The following COL28A1 variants were observed in gnomAD, a reference collection of about 807,000 sequenced individuals.
The protein encoded by COL28A1 is collagen alpha-1(XXVIII) chain.
COL28A1 carries 161 observed loss-of-function variants against 150.2 expected under a neutral mutation model. The observed-to-expected ratio is 1.07, with a 90% confidence interval of 0.94 to 1.22. COL28A1 has a LOEUF of 1.22. Ranked by LOEUF, COL28A1 falls within the 50% of genes most tolerant of loss-of-function variation. The pLI, the probability that COL28A1 is intolerant of heterozygous loss-of-function variation, is 0.00. For missense variants in COL28A1, 1,617 were observed against 1,388.3 expected, an observed-to-expected ratio of 1.16 and a Z score of -2.62; for synonymous variants, 552 against 469.7, an observed-to-expected ratio of 1.18 and a Z score of -2.26.
chr7:7,472,872 A>G (rs1788549954), intron 15 of COL28A1, among the ~76,000 whole-genome samples: 1 of 152,186 alleles, frequency 6.6e-6, no homozygotes. Context: ...AAACCATCAT[A>G]CTTACAGCCA....
intron 23 of COL28A1, 99 bp downstream of exon 23, chr7:7,436,296 A>G (rs1309771660): frequency 1.3e-6 from 1 of 781,412 alleles, no homozygotes; most frequent in Non-Finnish European, 2.3e-6. Flanking sequence ...TAGTTAATCA[A>G]TGTAGAAACC....
At chr7:7,425,279 T>A (rs1426943189) in intron 25 of COL28A1, among the ~76,000 whole-genome samples, 1 of 152,180 alleles carries the variant, frequency 6.6e-6, no homozygotes, top group African/African-American at 2.4e-5. Flanking sequence ...TCTCCCATTT[T>A]GATGTGGACT....
chr7:7,464,223 A>T (rs1787866210), intron 15 of COL28A1, among the ~76,000 whole-genome samples: 1 of 152,224 alleles, frequency 6.6e-6, no homozygotes, highest in Admixed American at 6.5e-5. Context: ...GGGGCACTTC[A>T]ATACTGCACT....
At chr7:7,533,542 G>C (rs1269458489) in intron 1 of COL28A1, among the ~76,000 whole-genome samples, 1 of 152,100 alleles carries the variant, frequency 6.6e-6, no homozygotes, top group African/African-American at 2.4e-5. Context: ...TGAATCAAAA[G>C]AGTATGAGAG....
intron 27 of COL28A1, among the ~76,000 whole-genome samples, chr7:7,412,861 C>T (rs1453946733): frequency 2.0e-5 from 3 of 151,992 alleles, no homozygotes; most frequent in Non-Finnish European, 4.4e-5. Context: ...GATTAGTAAG[C>T]TGAGATTCAA....
At chr7:7,346,795 TATTC>T in the COL28A1 span, among the ~76,000 whole-genome samples, 1 of 152,042 alleles carries the variant, frequency 6.6e-6, no homozygotes, top group Non-Finnish European at 1.5e-5. Flanking sequence ...TTAAGAAAGA[TATTC>T]ATTAATTTGA....
intron 3 of COL28A1, among the ~76,000 whole-genome samples, chr7:7,528,122 T>A (rs1209107611): frequency 6.6e-6 from 1 of 152,212 alleles, no homozygotes; most frequent in Non-Finnish European, 1.5e-5. Context: ...CTTAAATTTA[T>A]GTTTTTTAAA....
intron 2 of COL28A1, 135 bp from the exon 3 acceptor site, chr7:7,532,039 T>C (rs1782395690): frequency 2.4e-5 from 14 of 572,314 alleles, no homozygotes; most frequent in Non-Finnish European, 4.1e-5. Context: ...GAGAGACACG[T>C]TGGACAGAAG....
At position 7,444,128 on chromosome 7, in the gene COL28A1, A is replaced by T. The variant is rs542105086; in HGVS notation, c.1581+290T>A. Among the ~76,000 whole-genome samples the T allele has an allele frequency of 2.7e-5, 4 of 150,542 alleles. No homozygotes were observed. In the South Asian group the frequency reaches 8.4e-4, roughly 32 times the overall value. On this transcript the variant is annotated intron_variant, in intron 19 of 34. Transcript: ENST00000399429. ...TTGCCTCTTAGGGGGAGGCGGGGGG[A>T]GTGGCTTTCTCTTAAGTTTAAATTA...
In COL28A1 at chr7:7,419,902, C is replaced by G; in HGVS notation, c.2050G>C (p.Gly684Arg). The G allele has an allele frequency of 6.2e-7, 1 of 1,600,592 alleles. No individual in the cohort carries two copies. The highest frequency in any genetic ancestry group is 8.5e-7 in the Non-Finnish European group (1 of 1,174,004). Residue 684 changes from glycine (G) to arginine (R), a missense_variant, in exon 26 of 35, where the codon GGA (glycine) becomes CGA (arginine). Coordinates refer to ENST00000399429, the MANE Select transcript of COL28A1 (RefSeq NM_001037763.3). ...GGACTCACCTTTGGCCCTTGGGTTC[C>G]TACGCCCCGAGGCCCAGAAGGACCT... ...PPGPSGPRGV[G>R]TQGPKGDTGQ...
chr7:7,489,275 T>A lies in COL28A1; in HGVS notation c.1164+114A>T, dbSNP rs1779788256. 3.0e-5 allele frequency: 21 copies of A among 689,180 alleles called. 1 individual carries two copies. The South Asian group carries it at 3.4e-4, about 11-fold the overall frequency. The allele number at this position is 689,180 out of a possible 1,614,324, so 42.7% of individuals were successfully genotyped here. On this transcript the variant is annotated intron_variant, in intron 13 of 34. Coordinates refer to ENST00000399429, the MANE Select transcript of COL28A1 (RefSeq NM_001037763.3). ...ACAGTGAGATTCCGTCTCAAAAAAA[T>A]AAATAAATAAAATAGATACAAGGTG...
At chr7:7,506,308 A>G (rs555313632) in intron 10 of COL28A1, among the ~76,000 whole-genome samples, 7 of 152,256 alleles carry the variant, frequency 4.6e-5, no homozygotes, top group Non-Finnish European at 1.0e-4. Flanking sequence ...TTTGTTTACT[A>G]AACCTGTGTT....
At chr7:7,488,065 A>T (rs1346348109) in intron 13 of COL28A1, among the ~76,000 whole-genome samples, 7 of 152,244 alleles carry the variant, frequency 4.6e-5, no homozygotes, top group East Asian at 1.9e-4. Flanking sequence ...ACTTCAAGTT[A>T]TAAAGAACTC....
chr7:7,390,351 C>T (rs1056813863), intron 27 of COL28A1, among the ~76,000 whole-genome samples: 43 of 152,110 alleles, frequency 2.8e-4, no homozygotes, highest in African/African-American at 1.0e-3. Context: ...CCAACTTGAT[C>T]GTGGTGGTTA....
Position 7,373,526 on chromosome 7 carries a change from C to T in COL28A1, c.2380G>A (p.Glu794Lys). 8 of 1,610,734 alleles carry T rather than the reference C, an allele frequency of 5.0e-6. No individual in the cohort carries two copies. Among genetic ancestry groups the T allele is most frequent in the Non-Finnish European group, 5.9e-6 (7 of 1,178,200 alleles). Reference sequence around the variant, plus strand: ...ACAAACACCAGCTCTAGTGGAGTCTCTTTGCATTTGGGCCCACAACCTAAA... The same window carrying T: ...ACAAACACCAGCTCTAGTGGAGTCTTTTTGCATTTGGGCCCACAACCTAAA... ...EICGCGPKCK[E>K]TPLELVFVID... is the part of the protein sequence containing the mutation. The change falls in exon 32 of 35, where the codon GAG becomes AAG. Residue 794 changes from glutamate (E) to lysine (K), a missense_variant. By Grantham distance (56) the Glu-to-Lys change is moderately conservative. Transcript: ENST00000399429. This position sits in a 1 kb window ranked among gnomAD's most constrained non-coding sequence, Gnocchi z 4.1.
chr7:7,355,488 T>C (rs905516419), downstream of COL28A1, among the ~76,000 whole-genome samples: 2 of 152,048 alleles, frequency 1.3e-5, no homozygotes, highest in African/African-American at 4.8e-5. Flanking sequence ...CAGGCGGCTG[T>C]AGTCCTAGCT....
intron 3 of COL28A1, among the ~76,000 whole-genome samples, chr7:7,529,699 C>A (rs1287874884): frequency 3.3e-5 from 5 of 152,210 alleles, no homozygotes; most frequent in Admixed American, 2.6e-4. Context: ...GCCTGTCCCG[C>A]ATCTTCTATG....
At chr7:7,467,943 G>A (rs926068200) in intron 15 of COL28A1, among the ~76,000 whole-genome samples, 4 of 138,292 alleles carry the variant, frequency 2.9e-5, no homozygotes, top group African/African-American at 1.1e-4. Flanking sequence ...GAATCTCTGG[G>A]ACGCATTCAA....
chr7:7,358,581 G>A lies in COL28A1; in HGVS notation c.*52C>T. 4 of 1,531,760 alleles carry A rather than the reference G, an allele frequency of 2.6e-6. No homozygotes were observed. The highest frequency in any genetic ancestry group is 1.2e-5 in the South Asian group (1 of 86,410). 94.9% of individuals were successfully genotyped at this position (1,531,760 alleles called of 1,614,324 possible). Reference sequence around the variant, plus strand: ...TGCTGTATTTGTATTGGGTGAATATGTGGAAATTAGGGAGTTCTATGCTTT... The same window carrying A: ...TGCTGTATTTGTATTGGGTGAATATATGGAAATTAGGGAGTTCTATGCTTT... On this transcript the variant is annotated 3_prime_UTR_variant, in exon 35 of 35. Coordinates refer to ENST00000399429, the MANE Select transcript of COL28A1 (RefSeq NM_001037763.3).
Sources: gnomAD v4.1 joint callset for allele counts (sites outside exome capture counted in the v4.1 genomes callset) on GRCh38, gnomAD v4.1.1 for gene constraint, Gnocchi (gnomAD v3.1) non-coding constraint, MANE v1.5 for transcripts, NCBI Gene and HGNC (gene_info 2026-07-23, HGNC 2026-07-21) for gene names.